C1orf21: variants seen among roughly 807,000 people sequenced by gnomAD.
The protein encoded by C1orf21 is chromosome 1 open reading frame 21.
Under a neutral mutation model 18.7 loss-of-function variants are expected in C1orf21, and 3 were observed. The observed-to-expected ratio is 0.16, with a 90% CI of 0.07 to 0.42. The LOEUF (loss-of-function observed/expected upper bound fraction) is 0.42, where lower values mean the gene tolerates loss of function less well. Ranked by LOEUF, C1orf21 falls within the 10% of genes least tolerant of loss-of-function variation. The pLI is 0.99. For missense variants in C1orf21, 104 were observed against 143.6 expected (o/e 0.72, Z 1.41); for synonymous variants, 41 against 46.4 (o/e 0.88, Z 0.47).
chr1:184,494,380 A>C (rs760915176), intron 2 of C1orf21, among the ~76,000 whole-genome samples: 2 of 152,168 alleles, frequency 1.3e-5, no homozygotes, highest in Admixed American at 6.5e-5. Context: ...AATAGAAGTC[A>C]GGAGAGGGTT....
intron 1 of C1orf21, among the ~76,000 whole-genome samples, chr1:184,464,465 G>T (rs779395240): frequency 1.3e-5 from 2 of 152,222 alleles, no homozygotes; most frequent in Non-Finnish European, 2.9e-5. Flanking sequence ...CCTGTGGCAG[G>T]TGCAGAAGAA....
At chr1:184,476,759 A>G (rs1176350860) in intron 1 of C1orf21, among the ~76,000 whole-genome samples, 4 of 152,214 alleles carry the variant, frequency 2.6e-5, no homozygotes, top group Non-Finnish European at 5.9e-5. Flanking sequence ...CAGAAAATGG[A>G]CAGAAGTAAG....
chr1:184,612,435 C>T (rs1406676893), intron 5 of C1orf21, among the ~76,000 whole-genome samples: 2 of 152,146 alleles, frequency 1.3e-5, no homozygotes, highest in Admixed American at 6.5e-5. Flanking sequence ...GTTTAAGATG[C>T]CTGGCTGAGG....
chr1:184,447,702 A>G (rs1011839568), intron 1 of C1orf21, among the ~76,000 whole-genome samples: 4 of 152,158 alleles, frequency 2.6e-5, no homozygotes, highest in African/African-American at 7.2e-5. Flanking sequence ...ATTTGGTACA[A>G]TGTCTCAGTT....
At chr1:184,559,582 TCTTCCTCC>T (rs1336815214) in intron 3 of C1orf21, among the ~76,000 whole-genome samples, 7 of 85,564 alleles carry the variant, frequency 8.2e-5, no homozygotes, top group African/African-American at 4.1e-4. Flanking sequence ...TCCCTCCCTC[TCTTCCTCC>T]CTTCCTTCCT....
intron 1 of C1orf21, among the ~76,000 whole-genome samples, chr1:184,475,732 AGGGTGT>A (rs1243480145): frequency 2.5e-5 from 3 of 122,276 alleles, no homozygotes; most frequent in Non-Finnish European, 5.0e-5. Context: ...ATAATGGAAT[AGGGTGT>A]GTGTGTGTGT....
chr1:184,562,127 A>G (rs932464375), intron 3 of C1orf21, among the ~76,000 whole-genome samples: 2 of 152,200 alleles, frequency 1.3e-5, no homozygotes, highest in Non-Finnish European at 2.9e-5. Context: ...AAATGGTTCT[A>G]GAAAACTAGT....
intron 3 of C1orf21, among the ~76,000 whole-genome samples, chr1:184,544,161 A>G (rs1193003301): frequency 1.3e-5 from 2 of 152,220 alleles, no homozygotes; most frequent in African/African-American, 2.4e-5. Flanking sequence ...TTAATGTTCT[A>G]TACATTTCCG....
At chr1:184,524,823 G>C (rs1468359386) in intron 3 of C1orf21, among the ~76,000 whole-genome samples, 1 of 152,036 alleles carries the variant, frequency 6.6e-6, no homozygotes, top group Non-Finnish European at 1.5e-5. Context: ...TACGGTTTCT[G>C]CTTCAACCTA....
chr1:184,428,920 A>G (rs759864138), intron 1 of C1orf21, among the ~76,000 whole-genome samples: 1 of 152,180 alleles, frequency 6.6e-6, no homozygotes, highest in Non-Finnish European at 1.5e-5. Flanking sequence ...GGATCTGGTC[A>G]GGAAAATGGA....
chr1:184,610,786 T>C (rs568932621), intron 5 of C1orf21, among the ~76,000 whole-genome samples: 1 of 149,756 alleles, frequency 6.7e-6, no homozygotes, highest in African/African-American at 2.5e-5. Context: ...AGGCGGAGCT[T>C]GTAGTGAGCC....
At position 184,602,465 on chromosome 1, in the gene C1orf21, C is replaced by T. The variant is rs563499186; in HGVS notation, c.327+4004C>T. On this transcript the variant is annotated intron_variant, in intron 5 of 5. Coordinates refer to ENST00000235307, the MANE Select transcript of C1orf21 (RefSeq NM_030806.4). ...CATTATTTTTTACTCTGCTATCTAA[C>T]CATCGTTATTCCACTGGAATCTATA... 1.8e-3 allele frequency among the ~76,000 whole-genome samples: 268 copies of T among 152,312 alleles called. 2 individuals carry two copies. The highest frequency in any genetic ancestry group is 6.2e-3 in the African/African-American group (259 of 41,558).
Position 184,602,524 on chromosome 1 carries a change from A to G in C1orf21, c.327+4063A>G, listed in dbSNP as rs145713486. On this transcript the variant is annotated intron_variant, in intron 5 of 5. Transcript: ENST00000235307. ...TGTAACTCATGATTCACAGGCTCCT[A>G]GAATCTTTTTTGAAGTGTTAGCATT... Among the ~76,000 whole-genome samples, 1,403 of 152,256 alleles carry G rather than the reference A, an allele frequency of 9.2e-3. 15 individuals carry two copies. The highest frequency in any genetic ancestry group is 0.031 in the African/African-American group (1,298 of 41,528).
chr1:184,482,820 G>A (rs1169895900), intron 2 of C1orf21, among the ~76,000 whole-genome samples: 1 of 152,126 alleles, frequency 6.6e-6, no homozygotes, highest in Non-Finnish European at 1.5e-5. Context: ...GATGCCCAAT[G>A]TGTTTATACA....
At chr1:184,474,000 A>C (rs777939768) in intron 1 of C1orf21, among the ~76,000 whole-genome samples, 32 of 152,238 alleles carry the variant, frequency 2.1e-4, no homozygotes, top group Non-Finnish European at 4.1e-4. Context: ...TAATTGGACA[A>C]GTGTTTATGT....
chr1:184,555,283 CT>C (rs998981257), intron 3 of C1orf21, among the ~76,000 whole-genome samples: 10 of 152,132 alleles, frequency 6.6e-5, no homozygotes, highest in African/African-American at 2.4e-4. Context: ...TAAGTTATTC[CT>C]GGGAAATCTC....
Position 184,627,605 on chromosome 1 carries a change from C to CGG in C1orf21, c.*8049_*8050insGG, listed in dbSNP as rs1392920460. 2 of 152,230 alleles carry CGG rather than the reference C, an allele frequency of 1.3e-5. No homozygotes were observed. Among genetic ancestry groups the CGG allele is most frequent in the African/African-American group, 4.8e-5 (2 of 41,456 alleles). 9.4% of individuals were successfully genotyped at this position (152,230 alleles called of 1,614,324 possible). A position where few individuals can be genotyped will look rare whatever the true frequency, so the allele number is the denominator to read the frequency against. On this transcript the variant is annotated 3_prime_UTR_variant, in exon 6 of 6. Transcript: ENST00000235307. ...CCTTGGAAAGATGTTAGCTCAAACA[C>CGG]CCACTTTTTCCAGATCTTCCTCTTG...
At chr1:184,398,953 A>C (rs1256870812) in intron 1 of C1orf21, among the ~76,000 whole-genome samples, 1 of 152,220 alleles carries the variant, frequency 6.6e-6, no homozygotes, top group Non-Finnish European at 1.5e-5. Context: ...TTTTAAAATA[A>C]TCATAATATT....
intron 1 of C1orf21, among the ~76,000 whole-genome samples, chr1:184,449,667 AG>A (rs1385258645): frequency 6.6e-6 from 1 of 152,202 alleles, no homozygotes; most frequent in Non-Finnish European, 1.5e-5. Context: ...CCCATTTTCC[AG>A]GAAATATAAT....
Sources: allele counts gnomAD v4.1 joint callset (sites outside exome capture counted in the v4.1 genomes callset), GRCh38; gene constraint gnomAD v4.1.1; transcripts MANE v1.5; gene names NCBI Gene and HGNC (gene_info 2026-07-23, HGNC 2026-07-21).